TENM3: variants seen among roughly 807,000 people sequenced by gnomAD.
TENM3 encodes the protein teneurin transmembrane protein 3.
A neutral mutation model predicts 255.1 loss-of-function variants in TENM3; 63 were observed. The ratio of observed to expected loss-of-function variants is 0.25; its 90% CI spans 0.20 to 0.30. The LOEUF (loss-of-function observed/expected upper bound fraction) is 0.30, where lower values mean the gene tolerates loss of function less well. TENM3 is among the 10% of genes least tolerant of loss of function. The pLI is 1.00. For missense variants in TENM3, 2,929 were observed against 3,461.1 expected, an observed-to-expected ratio of 0.85 and a Z score of 3.86; for synonymous variants, 1,306 against 1,322.3, an observed-to-expected ratio of 0.99 and a Z score of 0.27.
chr4:182,646,002 A>C (rs981295096), intron 5 of TENM3, among the ~76,000 whole-genome samples: 4 of 152,180 alleles, frequency 2.6e-5, no homozygotes, highest in Non-Finnish European at 5.9e-5. Context: ...TTTTTGCTTA[A>C]GCTACATGTG....
At chr4:182,495,578 G>T in intron 3 of TENM3, among the ~76,000 whole-genome samples, 1 of 152,142 alleles carries the variant, frequency 6.6e-6, no homozygotes, top group East Asian at 1.9e-4. Context: ...ATTTTTAATG[G>T]ATATTTGTGA....
At chr4:182,323,684 T>A (rs992467375) in intron 1 of TENM3, among the ~76,000 whole-genome samples, 1 of 151,216 alleles carries the variant, frequency 6.6e-6, no homozygotes, top group Non-Finnish European at 1.5e-5. Context: ...AGCTTACAAT[T>A]TTTTTTTTGT....
At chr4:181,991,451 G>A in the TENM3 span, among the ~76,000 whole-genome samples, 4 of 152,076 alleles carry the variant, frequency 2.6e-5, no homozygotes, top group African/African-American at 9.7e-5. Flanking sequence ...ATTAATCTGG[G>A]TGCCTGAATG....
chr4:181,527,770 T>C, the TENM3 span, among the ~76,000 whole-genome samples: 7 of 152,050 alleles, frequency 4.6e-5, no homozygotes, highest in African/African-American at 1.4e-4. Flanking sequence ...ACCAAGAAAA[T>C]TGTATTTTAC....
chr4:182,589,981 C>G (rs1746442344), intron 3 of TENM3, among the ~76,000 whole-genome samples: 3 of 151,860 alleles, frequency 2.0e-5, no homozygotes, highest in Admixed American at 6.6e-5. Flanking sequence ...CTGTCTCAAA[C>G]AAAAACAAAA....
chr4:182,504,135 C>T (rs1309653955), intron 3 of TENM3, among the ~76,000 whole-genome samples: 5 of 151,908 alleles, frequency 3.3e-5, no homozygotes, highest in Middle Eastern at 3.5e-3. Context: ...GCCTGACGCC[C>T]GGAAACTGCT....
intron 1 of TENM3, among the ~76,000 whole-genome samples, chr4:182,205,964 G>A (rs1277035581): frequency 6.6e-6 from 1 of 151,908 alleles, no homozygotes; most frequent in Non-Finnish European, 1.5e-5. Flanking sequence ...CAAGCATTGG[G>A]TACTTCATTC....
At chr4:182,476,202 T>C (rs949482713) in intron 3 of TENM3, among the ~76,000 whole-genome samples, 27 of 152,202 alleles carry the variant, frequency 1.8e-4, no homozygotes, top group Admixed American at 2.6e-4. Context: ...TTAAAATGAA[T>C]GTCTGTATTT....
At chr4:182,137,767 C>T in the TENM3 span, among the ~76,000 whole-genome samples, 2 of 152,148 alleles carry the variant, frequency 1.3e-5, no homozygotes, top group Non-Finnish European at 2.9e-5. Flanking sequence ...ATTAAAGAAA[C>T]TGTATCTTTT....
chr4:181,816,445 G>A, the TENM3 span, among the ~76,000 whole-genome samples: 2 of 152,112 alleles, frequency 1.3e-5, no homozygotes, highest in African/African-American at 4.8e-5. Context: ...CCTGAGCCCA[G>A]TTTTCACATC....
chr4:182,648,319 T>A (rs1752936282), intron 5 of TENM3, among the ~76,000 whole-genome samples: 1 of 152,038 alleles, frequency 6.6e-6, no homozygotes, highest in Non-Finnish European at 1.5e-5. Context: ...AGTCTCATTT[T>A]GTCACCCAGG....
chr4:182,669,667 C>T (rs1243902958), intron 6 of TENM3, among the ~76,000 whole-genome samples: 1 of 151,998 alleles, frequency 6.6e-6, no homozygotes, highest in African/African-American at 2.4e-5. Context: ...TAGGGTGGTT[C>T]AGTGACTTAA....
At chr4:181,857,529 A>G in the TENM3 span, among the ~76,000 whole-genome samples, 6 of 139,372 alleles carry the variant, frequency 4.3e-5, no homozygotes, top group South Asian at 2.3e-4. Flanking sequence ...AGCCTAGCCA[A>G]CATAGTGAAA....
the TENM3 span, among the ~76,000 whole-genome samples, chr4:182,066,717 T>A: frequency 6.6e-6 from 1 of 151,724 alleles, no homozygotes; most frequent in Non-Finnish European, 1.5e-5. Context: ...GAGACCGTCC[T>A]GGCTAACACC....
In TENM3 at chr4:182,800,393, A is replaced by G. The variant is rs1354946109; in HGVS notation, c.*42A>G. On this transcript the variant is annotated 3_prime_UTR_variant, in exon 28 of 28. Transcript: ENST00000511685. ...GCCGAGCCGCTCACGCCCTGCCCAC[A>G]TTGTCCTGTGGCACAACCCGAGTGG... The G allele has an allele frequency of 7.9e-6, 12 of 1,518,912 alleles. No individual in the cohort carries two copies. The highest frequency in any genetic ancestry group is 1.2e-5 in the South Asian group (1 of 81,678). The allele number at this position is 1,518,912 out of a possible 1,614,324, so 94.1% of individuals were successfully genotyped here.
chr4:182,619,375 G>C (rs1303386994), intron 4 of TENM3, among the ~76,000 whole-genome samples: 1 of 151,642 alleles, frequency 6.6e-6, no homozygotes, highest in Admixed American at 6.6e-5. Flanking sequence ...TGGTTGCGGT[G>C]AGCCGAGATC....
intron 3 of TENM3, among the ~76,000 whole-genome samples, chr4:182,384,002 C>T (rs984721280): frequency 2.0e-5 from 3 of 152,198 alleles, no homozygotes; most frequent in African/African-American, 4.8e-5. Flanking sequence ...GCTCTCCCCG[C>T]TTCGGTCAGT....
At chr4:182,010,805 C>A in the TENM3 span, among the ~76,000 whole-genome samples, 1 of 152,166 alleles carries the variant, frequency 6.6e-6, no homozygotes, top group African/African-American at 2.4e-5. Flanking sequence ...TCCTATATGT[C>A]ATGCTAAGAA....
chr4:182,028,276 C>T, the TENM3 span, among the ~76,000 whole-genome samples: 1 of 152,142 alleles, frequency 6.6e-6, no homozygotes, highest in South Asian at 2.1e-4. Flanking sequence ...CATAGTAGCA[C>T]TAATGATACT....
Sources: allele counts gnomAD v4.1 joint callset (sites outside exome capture counted in the v4.1 genomes callset), GRCh38; gene constraint gnomAD v4.1.1; transcripts MANE v1.5; gene names NCBI Gene and HGNC (gene_info 2026-07-23, HGNC 2026-07-21).